The following LTBR variants were observed in gnomAD, a reference collection of about 807,000 sequenced individuals.
LTBR encodes the protein lymphotoxin beta receptor.
Under a neutral mutation model 45.4 loss-of-function variants are expected in LTBR, and 15 were observed. The ratio of observed to expected loss-of-function variants is 0.33; its 90% CI spans 0.22 to 0.51. The LOEUF (loss-of-function observed/expected upper bound fraction) is 0.51, where lower values mean the gene tolerates loss of function less well. LTBR is among the 20% of genes least tolerant of loss of function. LTBR has a pLI of 0.97. For synonymous variants in LTBR, 228 were observed against 231.0 expected, an observed-to-expected ratio of 0.99 and a Z score of 0.12; for missense variants, 450 against 565.5, an observed-to-expected ratio of 0.80 and a Z score of 2.07.
chr12:6,384,719 G>A (rs1949019131), intron 2 of LTBR, 35 bp downstream of exon 2: 2 of 1,596,628 alleles, frequency 1.3e-6, no homozygotes. Context: ...CTGGGCCTCG[G>A]AAGTGGGTCA....
chr12:6,378,187 T>C (rs1258649826), intron 1 of LTBR, among the ~76,000 whole-genome samples: 1 of 151,588 alleles, frequency 6.6e-6, no homozygotes, highest in Non-Finnish European at 1.5e-5. Context: ...TTGTGTGCCT[T>C]TATAAACTTA....
At chr12:6,380,669 G>T (rs542853351), upstream of LTBR, among the ~76,000 whole-genome samples, 1 of 148,358 alleles carries the variant, frequency 6.7e-6, no homozygotes, top group Non-Finnish European at 1.5e-5. Flanking sequence ...CAGCCTGGGC[G>T]ACAGACTGAG....
upstream of LTBR, among the ~76,000 whole-genome samples, chr12:6,380,989 T>C (rs1948977633): frequency 6.6e-6 from 1 of 152,190 alleles, no homozygotes; most frequent in Non-Finnish European, 1.5e-5. Context: ...GGAGTCTCCC[T>C]TTATCCTCCT....
At chr12:6,390,070 G>A (rs1949093574) in intron 8 of LTBR, 42 bp from the exon 9 acceptor site, 1 of 1,327,950 alleles carries the variant, frequency 7.5e-7, no homozygotes, top group Middle Eastern at 1.8e-4. Context: ...AAAAGGGTCT[G>A]GGGCCCTCAT....
chr12:6,385,672 CGAGGTGGGCG>C (rs1312691603), intron 4 of LTBR: 1 of 429,104 alleles, frequency 2.3e-6, no homozygotes, highest in African/African-American at 2.0e-5. Context: ...TTTGGGAGGC[CGAGGTGGGCG>C]GATCACGAGG....
Position 6,390,262 on chromosome 12 carries a change from G to T in LTBR, c.952G>T (p.Val318Leu). 6.2e-7 allele frequency: 1 copy of T among 1,614,078 alleles called. No homozygotes were observed. Residue 318 changes from valine to leucine, a missense_variant, in exon 9 of 10, where the codon GTG (valine) becomes TTG (leucine). Val to Leu is a conservative substitution (Grantham distance 32). Around this residue, in one of 3 missense-constraint regions of LTBR, gnomAD observed 367 missense variants for 435.4 expected, o/e 0.84. Transcript: ENST00000228918. Reference protein sequence around the residue: ...LPAAPVLEAGVPQQQSPLDLT... With the variant: ...LPAAPVLEAGLPQQQSPLDLT... ...CGCAGCCCCAGTTTTGGAGGCAGGG[G>T]TGCCGCAACAGCAGAGTCCTCTGGA...
At position 6,388,417 on chromosome 12, in the gene LTBR, C is replaced by T. The variant is rs763292638; in HGVS notation, c.687C>T (p.Ala229=). 23 of 1,613,662 alleles carry T rather than the reference C, an allele frequency of 1.4e-5. No homozygotes were observed. Among genetic ancestry groups the T allele is most frequent in the Non-Finnish European group, 1.9e-5 (23 of 1,179,940 alleles). ...TGGCAGGAACCATGCTGATGCTGGCCGTTCTGCTGCCACTGGCCTTCTTTC... is the reference window on the plus strand; with the variant it reads ...TGGCAGGAACCATGCTGATGCTGGCTGTTCTGCTGCCACTGGCCTTCTTTC... The part of the protein sequence containing the change: ...PEMSGTMLML[A]VLLPLAFFLL... Residue 229 remains alanine (A), a synonymous_variant, in exon 7 of 10, where the codon GCC becomes GCT. Transcript: ENST00000228918. This position sits in a 1 kb window ranked among gnomAD's most constrained non-coding sequence, Gnocchi z 4.3.
chr12:6,380,609 G>A (rs1175993296), upstream of LTBR, among the ~76,000 whole-genome samples: 2 of 151,584 alleles, frequency 1.3e-5, no homozygotes, highest in African/African-American at 4.9e-5. Flanking sequence ...AAAATCACTT[G>A]AACCTGGGAG....
intron 2 of LTBR, 109 bp from the exon 3 acceptor site, chr12:6,384,913 T>C: frequency 6.9e-7 from 1 of 1,449,256 alleles, no homozygotes; most frequent in Non-Finnish European, 9.6e-7. Context: ...ACTGGCAGGA[T>C]GATGGGGGGC....
chr12:6,383,413 C>T (rs1458376881), upstream of LTBR, among the ~76,000 whole-genome samples: 1 of 152,112 alleles, frequency 6.6e-6, no homozygotes, highest in Non-Finnish European at 1.5e-5. Flanking sequence ...GGCTGGACTG[C>T]GTGGGCTCTC....
chr12:6,390,087 T>G (rs761765533), intron 8 of LTBR, 25 bp from the exon 9 acceptor site: 4 of 1,530,524 alleles, frequency 2.6e-6, no homozygotes, highest in Non-Finnish European at 3.6e-6. Flanking sequence ...TCATCATTGT[T>G]TGGGTCTCCA....
chr12:6,390,302 C>T lies in LTBR; in HGVS notation c.992C>T (p.Pro331Leu), dbSNP rs1170735523. ...QQSPLDLTRE[P>L]QLEPGEQSQV... ...AGTCCTCTGGACCTGACCAGGGAGC[C>T]GCAGTTGGAACCCGGGGAGCAGAGC... Residue 331 changes from proline to leucine, a missense_variant, in exon 9 of 10, where the codon CCG (proline) becomes CTG (leucine). Transcript: ENST00000228918. 6.2e-7 allele frequency: 1 copy of T among 1,611,558 alleles called. No homozygotes were observed. Among genetic ancestry groups the T allele is most frequent in the Non-Finnish European group, 8.5e-7 (1 of 1,178,522 alleles).
rs112422948 is a variant in LTBR at position 6,384,348 on chromosome 12, G to A, written c.-11G>A. The stretch of plus-strand genomic sequence containing the variant: ...CCCCCACGTTGCTGGCCGCCTGGCC[G>A]AGTGGCCGCCATGCTCCTGCCTTGG... On this transcript the variant is annotated 5_prime_UTR_variant, in exon 1 of 10. Transcript: ENST00000228918. 1,314 of 1,484,994 alleles carry A rather than the reference G, an allele frequency of 8.8e-4. 5 individuals are homozygous for A. In the African/African-American group the frequency reaches 0.013, roughly 15 times the overall value. 92.0% of individuals were successfully genotyped at this position (1,484,994 alleles called of 1,614,324 possible).
upstream of LTBR, chr12:6,375,184 C>G: frequency 2.1e-6 from 3 of 1,452,398 alleles, no homozygotes; most frequent in Non-Finnish European, 2.7e-6. Flanking sequence ...ATCTGTGTCT[C>G]AGCTCCTGCC....
intron 1 of LTBR, chr12:6,377,310 C>G: frequency 5.3e-6 from 8 of 1,519,516 alleles, no homozygotes; most frequent in Non-Finnish European, 7.2e-6. Flanking sequence ...TCTTCATTGT[C>G]CTAATGAAGA....
upstream of LTBR, among the ~76,000 whole-genome samples, chr12:6,380,483 A>G (rs966800106): frequency 2.0e-5 from 3 of 152,190 alleles, no homozygotes; most frequent in African/African-American, 4.8e-5. Flanking sequence ...GGAATTCAAA[A>G]CCAGCCTGTG....
In LTBR at chr12:6,384,573, C is replaced by T. The variant is rs1228441878; in HGVS notation, c.97-15C>T. On this transcript the variant is annotated splice_polypyrimidine_tract_variant and intron_variant, in intron 1 of 9. Coordinates refer to ENST00000228918, the MANE Select transcript of LTBR (RefSeq NM_002342.3). ...TGACTAATTCTTCTCTCCTCTTCTCCATCTCCCTTTGAAGGTGCCTCCATA... is the reference window on the plus strand; with the variant it reads ...TGACTAATTCTTCTCTCCTCTTCTCTATCTCCCTTTGAAGGTGCCTCCATA... 2 of 1,612,726 alleles carry T rather than the reference C, an allele frequency of 1.2e-6. No homozygotes were observed. Among genetic ancestry groups the T allele is most frequent in the East Asian group, 2.2e-5 (1 of 44,874 alleles).
At chr12:6,380,945 C>T (rs1372950588), upstream of LTBR, among the ~76,000 whole-genome samples, 1 of 152,170 alleles carries the variant, frequency 6.6e-6, no homozygotes, top group African/African-American at 2.4e-5. Flanking sequence ...AGACAATGCC[C>T]TGCCCGCGGT....
intron 6 of LTBR, chr12:6,387,702 G>A: frequency 3.3e-6 from 1 of 306,236 alleles, no homozygotes; most frequent in Non-Finnish European, 6.7e-6. Flanking sequence ...TGCTATTGCT[G>A]GCAGCACTGG....
Sources: gnomAD v4.1 joint callset for allele counts (sites outside exome capture counted in the v4.1 genomes callset) on GRCh38, gnomAD v4.1.1 for gene constraint, gnomAD v4.1.1 regional missense constraint, Gnocchi (gnomAD v3.1) non-coding constraint, MANE v1.5 for transcripts, NCBI Gene and HGNC (gene_info 2026-07-23, HGNC 2026-07-21) for gene names.